ADAMTS12: variants seen among roughly 807,000 people sequenced by gnomAD.
The protein encoded by ADAMTS12 is A disintegrin and metalloproteinase with thrombospondin motifs 12.
ADAMTS12 carries 118 observed loss-of-function variants against 167.8 expected under a neutral mutation model. The ratio of observed to expected loss-of-function variants is 0.70; its 90% confidence interval spans 0.61 to 0.82. The LOEUF is 0.82. Ranked by LOEUF, ADAMTS12 falls within the 40% of genes least tolerant of loss-of-function variation. ADAMTS12 has a pLI of 0.00. For synonymous variants in ADAMTS12, 704 were observed against 716.9 expected, an observed-to-expected ratio of 0.98 and a Z score of 0.29; for missense variants, 1,916 against 1,998.8, an observed-to-expected ratio of 0.96 and a Z score of 0.79.
At chr5:33,557,891 A>G (rs1745556335) in intron 20 of ADAMTS12, among the ~76,000 whole-genome samples, 1 of 152,088 alleles carries the variant, frequency 6.6e-6, no homozygotes, top group African/African-American at 2.4e-5. Flanking sequence ...AGATTCTCAT[A>G]GGGATGCAAA....
At chr5:33,771,032 T>C (rs2112425388) in intron 2 of ADAMTS12, among the ~76,000 whole-genome samples, 1 of 152,262 alleles carries the variant, frequency 6.6e-6, no homozygotes, top group East Asian at 1.9e-4. Context: ...CTTCATATTA[T>C]AGACAGGCAG....
chr5:33,883,445 A>T (rs970209171), intron 1 of ADAMTS12, among the ~76,000 whole-genome samples: 23 of 150,316 alleles, frequency 1.5e-4, no homozygotes, highest in African/African-American at 5.4e-4. Context: ...ACTCTCAGGT[A>T]CTAACAAATG....
intron 16 of ADAMTS12, among the ~76,000 whole-genome samples, chr5:33,608,048 G>C (rs1408832251): frequency 6.6e-6 from 1 of 152,242 alleles, no homozygotes; most frequent in African/African-American, 2.4e-5. Flanking sequence ...CCAGATGGCT[G>C]AACACATGGA....
At chr5:33,548,977 C>G (rs2111829406) in intron 21 of ADAMTS12, among the ~76,000 whole-genome samples, 1 of 152,302 alleles carries the variant, frequency 6.6e-6, no homozygotes, top group South Asian at 2.1e-4. Context: ...CAACACTGAA[C>G]TGCTGTGATT....
chr5:33,546,098 C>G lies in ADAMTS12; in HGVS notation c.4407G>C (p.Glu1469Asp). Residue 1469 changes from glutamate to aspartate, a missense_variant, in exon 22 of 24, where the codon GAG becomes GAC. Transcript: ENST00000504830. The part of the protein sequence containing the change: ...KRPTSTMSCN[E>D]HLCCHWATGN... ...CAGTGGCCCAGTGACAGCACAGGTG[C>G]TCATTGCAAGACATGGTGGATGTGG... 6.2e-7 allele frequency: 1 copy of G among 1,613,710 alleles called. No individual in the cohort carries two copies.
chr5:33,644,970 T>C (rs1740605606), intron 9 of ADAMTS12, among the ~76,000 whole-genome samples: 2 of 152,092 alleles, frequency 1.3e-5, no homozygotes, highest in East Asian at 3.9e-4. Context: ...GACCTCGTGA[T>C]CTGCCCACCT....
At position 33,766,061 on chromosome 5, in the gene ADAMTS12, C is replaced by T. The variant is rs1011930270; in HGVS notation, c.490-14513G>A. ...TCTGAAGATATCTACAAACGTCTTC[C>T]TGTACAGAAGATTTCCAAATAGTTT... On this transcript the variant is annotated intron_variant, in intron 2 of 23. Coordinates refer to ENST00000504830, the MANE Select transcript of ADAMTS12 (RefSeq NM_030955.4). Among the ~76,000 whole-genome samples the T allele has an allele frequency of 2.0e-5, 3 of 152,240 alleles. No individual in the cohort carries two copies. In the Middle Eastern group the frequency reaches 0.01, roughly 518 times the overall value.
intron 12 of ADAMTS12, among the ~76,000 whole-genome samples, chr5:33,633,540 T>C (rs1740056121): frequency 6.6e-6 from 1 of 152,020 alleles, no homozygotes; most frequent in Non-Finnish European, 1.5e-5. Context: ...CTCAGGCCTA[T>C]GTTTGAAAGC....
intron 2 of ADAMTS12, among the ~76,000 whole-genome samples, chr5:33,841,817 C>T (rs1298576206): frequency 6.6e-6 from 1 of 152,184 alleles, no homozygotes; most frequent in African/African-American, 2.4e-5. Flanking sequence ...ACCAAGCAGT[C>T]CAGAGTAGGG....
intron 3 of ADAMTS12, among the ~76,000 whole-genome samples, chr5:33,730,286 T>TG (rs1744138424): frequency 1.6e-5 from 1 of 64,378 alleles, no homozygotes; most frequent in South Asian, 4.3e-4. Flanking sequence ...CAGAGTCCAT[T>TG]AGGGTGTGTG....
At chr5:33,572,293 A>C (rs970212350) in intron 19 of ADAMTS12, among the ~76,000 whole-genome samples, 6 of 151,900 alleles carry the variant, frequency 3.9e-5, no homozygotes, top group Admixed American at 1.3e-4. Flanking sequence ...GAGACACAAC[A>C]AAAAAAGAGA....
intron 12 of ADAMTS12, among the ~76,000 whole-genome samples, chr5:33,633,095 T>C (rs1449386594): frequency 6.6e-6 from 1 of 151,486 alleles, no homozygotes; most frequent in African/African-American, 2.4e-5. Flanking sequence ...ATGGTTATCT[T>C]GGAGGAATAC....
Position 33,671,713 on chromosome 5 carries a change from G to A in ADAMTS12, c.916-9673C>T, listed in dbSNP as rs1741697192. Among the ~76,000 whole-genome samples, 3 of 151,896 alleles carry A rather than the reference G, an allele frequency of 2.0e-5. No individual in the cohort carries two copies. In the South Asian group the frequency reaches 6.2e-4, roughly 32 times the overall value. Reference sequence around the variant, plus strand: ...GCCCATGCACTCACACAACCGCAAAGCCACATACTCACATACCCATACACA... The same window carrying A: ...GCCCATGCACTCACACAACCGCAAAACCACATACTCACATACCCATACACA... On this transcript the variant is annotated intron_variant, in intron 5 of 23. Coordinates refer to ENST00000504830, the MANE Select transcript of ADAMTS12 (RefSeq NM_030955.4).
At chr5:33,696,297 T>C (rs1306654546) in intron 3 of ADAMTS12, among the ~76,000 whole-genome samples, 1 of 151,050 alleles carries the variant, frequency 6.6e-6, no homozygotes, top group Non-Finnish European at 1.5e-5. Context: ...GGCGGGCGCC[T>C]GTAGTCCCAG....
intron 2 of ADAMTS12, among the ~76,000 whole-genome samples, chr5:33,849,162 G>A (rs1449879788): frequency 3.4e-5 from 3 of 87,620 alleles, no homozygotes; most frequent in African/African-American, 9.5e-5. Context: ...ATATATATAT[G>A]TATTGCATAG....
At chr5:33,768,585 A>G (rs992838478) in intron 2 of ADAMTS12, among the ~76,000 whole-genome samples, 16 of 152,218 alleles carry the variant, frequency 1.1e-4, no homozygotes, top group Admixed American at 3.3e-4. Flanking sequence ...GAATATATTC[A>G]TCCTGTTTTA....
intron 19 of ADAMTS12, among the ~76,000 whole-genome samples, chr5:33,566,540 C>G (rs1561130287): frequency 6.6e-6 from 1 of 152,160 alleles, no homozygotes; most frequent in South Asian, 2.1e-4. Flanking sequence ...CAATTATTTA[C>G]AAACCCTGAT....
intron 2 of ADAMTS12, among the ~76,000 whole-genome samples, chr5:33,765,151 C>A (rs1255936073): frequency 6.6e-6 from 1 of 152,114 alleles, no homozygotes; most frequent in Non-Finnish European, 1.5e-5. Context: ...CATATGCCCA[C>A]CCTTAGATTC....
At chr5:33,857,179 C>A (rs1478727347) in intron 2 of ADAMTS12, among the ~76,000 whole-genome samples, 1 of 152,168 alleles carries the variant, frequency 6.6e-6, no homozygotes, top group East Asian at 1.9e-4. Flanking sequence ...ACAAATACGG[C>A]ATGATCTCAC....
Sources: gnomAD v4.1 joint callset for allele counts (sites outside exome capture counted in the v4.1 genomes callset) on GRCh38, gnomAD v4.1.1 for gene constraint, MANE v1.5 for transcripts, NCBI Gene and HGNC (gene_info 2026-07-23, HGNC 2026-07-21) for gene names.